Variants in AR observed in about 807,000 individuals in gnomAD.
AR encodes androgen receptor.
A neutral mutation model predicts 53.9 loss-of-function variants in AR; 8 were observed. The observed-to-expected ratio is 0.15, with a 90% CI of 0.09 to 0.27. The LOEUF is 0.27. Among genes scored for constraint, AR ranks in the 10% least tolerant of loss-of-function variants. The probability of loss-of-function intolerance (pLI) is 1.00; values close to 1 mark genes in which losing one functional copy is unlikely to be tolerated. For missense variants in AR, 639 were observed against 742.5 expected (o/e 0.86, Z 1.62); for synonymous variants, 359 against 316.4 (o/e 1.13, Z -1.43).
chrX:67,628,864 C>T (rs1924873637), intron 1 of AR, among the ~76,000 whole-genome samples: 1 of 111,534 alleles, frequency 9.0e-6, no homozygotes, highest in African/African-American at 3.3e-5. Flanking sequence ...TGAATTTTGT[C>T]AAAGGCCTTT....
At chrX:67,718,141 G>T (rs920940246) in intron 5 of AR, among the ~76,000 whole-genome samples, 9 of 111,664 alleles carry the variant, frequency 8.1e-5, no homozygotes, top group East Asian at 2.8e-4. Context: ...GGGAAAATCA[G>T]GCTCAGCAAA....
At chrX:67,716,739 A>G (rs1437681155) in intron 4 of AR, among the ~76,000 whole-genome samples, 1 of 111,962 alleles carries the variant, frequency 8.9e-6, no homozygotes, top group Non-Finnish European at 1.9e-5. Flanking sequence ...TACCCTGTAC[A>G]CTGTATGTAA....
Position 67,544,946 on chromosome X carries a change from GTCT to G in AR, c.-194_-192del, listed in dbSNP as rs1240086021. The G allele has an allele frequency of 3.2e-5, 15 of 470,816 alleles. No homozygotes were observed. Among genetic ancestry groups the G allele is most frequent in the South Asian group, 2.4e-4 (6 of 24,627 alleles). 38.8% of individuals were successfully genotyped at this position (470,816 alleles called of 1,213,427 possible). A position where few individuals can be genotyped will look rare whatever the true frequency, so the allele number is the denominator to read the frequency against. On this transcript the variant is annotated 5_prime_UTR_variant, in exon 1 of 8. Transcript: ENST00000374690. ...GCAGGGCAGATCTTGTCCACCGTGT[GTCT>G]TCTTCTGCACGAGACTTTGAGGCTG...
chrX:67,660,040 T>C (rs1926802746), intron 2 of AR, among the ~76,000 whole-genome samples: 2 of 112,152 alleles, frequency 1.8e-5, no homozygotes, highest in Non-Finnish European at 3.8e-5. Context: ...TCATATCCTT[T>C]GCCCACTTTT....
At position 67,679,061 on chromosome X, in the gene AR, G is replaced by C. The variant is rs760363566; in HGVS notation, c.1769-6949G>C. Among the ~76,000 whole-genome samples the C allele has an allele frequency of 6.3e-5, 7 of 111,100 alleles. No homozygotes were observed. The South Asian group carries it at 2.3e-3, about 36-fold the overall frequency. The stretch of plus-strand genomic sequence containing the variant: ...TCTAACCACAAAAAATTATTAGTAG[G>C]CAAGGTGATGGATATGTTAATTTGC... On this transcript the variant is annotated intron_variant, in intron 2 of 7. Transcript: ENST00000374690.
At chrX:67,676,361 G>T in intron 2 of AR, among the ~76,000 whole-genome samples, 1 of 111,993 alleles carries the variant, frequency 8.9e-6, no homozygotes, top group Middle Eastern at 4.7e-3. Flanking sequence ...AGTGAATTTT[G>T]TTTATCACCA....
chrX:67,617,070 A>G (rs1263494499), intron 1 of AR, among the ~76,000 whole-genome samples: 1 of 111,686 alleles, frequency 9.0e-6, no homozygotes, highest in Non-Finnish European at 1.9e-5. Context: ...ATATATTCAG[A>G]AGTTGTGGTG....
At chrX:67,696,660 G>T (rs1313525135) in intron 3 of AR, among the ~76,000 whole-genome samples, 2 of 111,449 alleles carry the variant, frequency 1.8e-5, no homozygotes, top group Non-Finnish European at 3.8e-5. Flanking sequence ...GAATCAAGGA[G>T]CCTTCTTGCC....
intron 5 of AR, 125 bp from the exon 6 acceptor site, chrX:67,721,707 CA>C: frequency 2.2e-6 from 2 of 921,044 alleles, no homozygotes. Flanking sequence ...GTCCCTGGAG[CA>C]CCAGCAGGAG....
intron 1 of AR, among the ~76,000 whole-genome samples, chrX:67,550,236 A>G (rs1486491726): frequency 2.7e-5 from 3 of 111,882 alleles, no homozygotes; most frequent in Non-Finnish European, 3.8e-5. Context: ...TTCCAATTGC[A>G]GGGTCATTTT....
intron 4 of AR, among the ~76,000 whole-genome samples, chrX:67,712,754 C>A (rs2076098741): frequency 8.9e-6 from 1 of 112,023 alleles, no homozygotes; most frequent in Non-Finnish European, 1.9e-5. Flanking sequence ...TCTCCTAATC[C>A]TGCAATTATG....
intron 1 of AR, among the ~76,000 whole-genome samples, chrX:67,584,648 T>C (rs991979550): frequency 8.9e-6 from 1 of 112,379 alleles, no homozygotes; most frequent in Non-Finnish European, 1.9e-5. Context: ...GTCCTCTTCG[T>C]TGGATAACTT....
intron 2 of AR, among the ~76,000 whole-genome samples, chrX:67,670,945 T>A (rs769956944): frequency 2.7e-5 from 3 of 111,955 alleles, no homozygotes; most frequent in Non-Finnish European, 5.6e-5. Context: ...TCCTTTTTGA[T>A]GGCTGCATAG....
chrX:67,587,666 G>GA (rs1022939308), intron 1 of AR, among the ~76,000 whole-genome samples: 1 of 111,393 alleles, frequency 9.0e-6, no homozygotes, highest in African/African-American at 3.3e-5. Flanking sequence ...AGAATGAAAT[G>GA]AAAAAAGAAA....
At chrX:67,663,085 C>T (rs1927033944) in intron 2 of AR, among the ~76,000 whole-genome samples, 1 of 111,613 alleles carries the variant, frequency 9.0e-6, no homozygotes, top group African/African-American at 3.3e-5. Context: ...TCCAATTTGC[C>T]AGTCTGTGTC....
chrX:67,704,893 T>G (rs1182762384), intron 3 of AR, among the ~76,000 whole-genome samples: 1 of 112,045 alleles, frequency 8.9e-6, no homozygotes, highest in Admixed American at 9.5e-5. Context: ...CACCATTTGT[T>G]AAATAGGGAA....
At chrX:67,694,879 C>T in intron 3 of AR, 1 of 1,063,054 alleles carries the variant, frequency 9.4e-7, no homozygotes. Context: ...ATTGCTGACT[C>T]CCTCCAGCGG....
chrX:67,622,620 C>T (rs1026183676), intron 1 of AR, among the ~76,000 whole-genome samples: 1 of 111,596 alleles, frequency 9.0e-6, no homozygotes, highest in African/African-American at 3.3e-5. Flanking sequence ...TTGTACAGAG[C>T]ACTTGCTGCA....
intron 4 of AR, 71 bp downstream of exon 4, chrX:67,711,760 AC>A: frequency 9.4e-7 from 1 of 1,065,481 alleles, no homozygotes; most frequent in African/African-American, 1.8e-5. Context: ...TGGACCAGCC[AC>A]CATGTCTGGT....
Sources: allele counts gnomAD v4.1 joint callset (sites outside exome capture counted in the v4.1 genomes callset), GRCh38; gene constraint gnomAD v4.1.1; transcripts MANE v1.5; gene names NCBI Gene and HGNC (gene_info 2026-07-23, HGNC 2026-07-21).